CD226: variants seen among roughly 807,000 people sequenced by gnomAD.
CD226 encodes CD226 molecule, also known as CD226 antigen.
CD226 carries 24 observed loss-of-function variants against 34.9 expected under a neutral mutation model. That is an observed-to-expected ratio of 0.69 (90% CI 0.50 to 0.97). The LOEUF (loss-of-function observed/expected upper bound fraction) is 0.97, where lower values mean the gene tolerates loss of function less well. Among genes scored for constraint, CD226 ranks in the 50% least tolerant of loss-of-function variants. The pLI, the probability that CD226 is intolerant of heterozygous loss-of-function variation, is 0.00. For missense variants in CD226, 397 were observed against 412.7 expected (o/e 0.96, Z 0.33); for synonymous variants, 148 against 147.4 (o/e 1.00, Z -0.03).
upstream of CD226, chr18:69,961,728 C>T (rs2055930521): frequency 6.6e-6 from 1 of 152,194 alleles, no homozygotes; most frequent in African/African-American, 2.4e-5. Context: ...CTTACACACA[C>T]ACCTTAAGGA....
intron 2 of CD226, among the ~76,000 whole-genome samples, chr18:69,926,574 A>G (rs1434387102): frequency 6.6e-6 from 1 of 152,182 alleles, no homozygotes; most frequent in Non-Finnish European, 1.5e-5. Context: ...AATGCCTGGC[A>G]AGTGGTAACA....
chr18:69,873,094 G>T, intron 4 of CD226, 50 bp downstream of exon 4: 1 of 1,003,304 alleles, frequency 1.0e-6, no homozygotes, highest in Non-Finnish European at 1.6e-6. Flanking sequence ...GTTATTAATA[G>T]AGAACCTCTA....
At position 69,895,953 on chromosome 18, in the gene CD226, G is replaced by T; in HGVS notation, c.475C>A (p.Pro159Thr). The change falls in exon 3 of 6, where the codon CCT becomes ACT. Residue 159 changes from proline to threonine, a missense_variant. Pro to Thr is a conservative substitution (Grantham distance 38). Coordinates refer to ENST00000582621, the MANE Select transcript of CD226 (RefSeq NM_001303618.2). ...TLTCQPQMTW[P>T]VQAVRWEKIQ... ...TTTTCCCACCTCACTGCCTGCACAG[G>T]CCACGTCATCTGAGGCTGACAAGTG... is the stretch of plus-strand genomic sequence containing the variant. The T allele has an allele frequency of 6.2e-7, 1 of 1,614,082 alleles. No homozygotes were observed. The highest frequency in any genetic ancestry group is 1.1e-5 in the South Asian group (1 of 91,076).
chr18:69,945,636 T>A (rs1476678766), intron 2 of CD226, among the ~76,000 whole-genome samples: 1 of 152,124 alleles, frequency 6.6e-6, no homozygotes, highest in East Asian at 1.9e-4. Context: ...GTTGGATCAC[T>A]TGAACTCAGG....
At chr18:69,896,526 GT>G in intron 2 of CD226, among the ~76,000 whole-genome samples, 1 of 151,754 alleles carries the variant, frequency 6.6e-6, no homozygotes, top group African/African-American at 2.4e-5. Flanking sequence ...TTTGTTTTTT[GT>G]TTTTTGTTTT....
At position 69,946,861 on chromosome 18, in the gene CD226, C is replaced by T. The variant is rs371584542; in HGVS notation, c.255G>A (p.Thr85=). The part of the protein sequence containing the change: ...YAERVYFLNS[T]MASNNMTLFF... The stretch of plus-strand genomic sequence containing the variant: ...AAAGAGTCATGTTATTGGAAGCCAT[C>T]GTTGAATTCAAAAAGTAAACCCTCT... Residue 85 remains threonine, a synonymous_variant, in exon 2 of 6, where the codon ACG becomes ACA. Transcript: ENST00000582621. 15 of 1,613,976 alleles carry T rather than the reference C, an allele frequency of 9.3e-6. No individual in the cohort carries two copies. Among genetic ancestry groups the T allele is most frequent in the African/African-American group, 2.7e-5 (2 of 74,914 alleles).
At chr18:69,923,810 C>T (rs570880070) in intron 2 of CD226, among the ~76,000 whole-genome samples, 95 of 152,044 alleles carry the variant, frequency 6.2e-4, no homozygotes, top group Non-Finnish European at 4.0e-4. Context: ...AAAAATTAGC[C>T]GGGCGTAGTG....
At chr18:69,920,688 G>C (rs1181020807) in intron 2 of CD226, among the ~76,000 whole-genome samples, 1 of 152,146 alleles carries the variant, frequency 6.6e-6, no homozygotes, top group Non-Finnish European at 1.5e-5. Flanking sequence ...TAAACACTTT[G>C]CAGCGGATGT....
At chr18:69,886,157 C>G (rs1476013455) in intron 3 of CD226, among the ~76,000 whole-genome samples, 1 of 152,116 alleles carries the variant, frequency 6.6e-6, no homozygotes, top group South Asian at 2.1e-4. Context: ...TGAATCCCTG[C>G]CCCTCTATTT....
intron 2 of CD226, among the ~76,000 whole-genome samples, chr18:69,946,012 TC>T (rs2055784900): frequency 1.3e-5 from 2 of 151,526 alleles, no homozygotes; most frequent in Admixed American, 1.3e-4. Flanking sequence ...ACCAGGTCCC[TC>T]CCACAACACA....
At chr18:69,950,010 TCA>T (rs1214120720), upstream of CD226, among the ~76,000 whole-genome samples, 17 of 150,858 alleles carry the variant, frequency 1.1e-4, no homozygotes, top group East Asian at 5.9e-4. Flanking sequence ...TCACACTCTC[TCA>T]CACACACAAT....
chr18:69,946,651 T>C, intron 2 of CD226, 83 bp downstream of exon 2: 1 of 901,452 alleles, frequency 1.1e-6, no homozygotes, highest in South Asian at 1.7e-5. Context: ...GAAGACATTC[T>C]ATAGCTTCTA....
Position 69,859,730 on chromosome 18 carries a change from A to G in CD226, c.*4584T>C, listed in dbSNP as rs933043023. 5 of 152,210 alleles carry G rather than the reference A, an allele frequency of 3.3e-5. No individual in the cohort carries two copies. Among genetic ancestry groups the G allele is most frequent in the African/African-American group, 1.2e-4 (5 of 41,446 alleles). The allele number at this position is 152,210 out of a possible 1,614,324, so 9.4% of individuals were successfully genotyped here. ...CGGGAAAAACAAAAACAAACAAACA[A>G]AAAACCTGTAAAGCCCTTTGACCCT... On this transcript the variant is annotated 3_prime_UTR_variant, in exon 6 of 6. Coordinates refer to ENST00000582621, the MANE Select transcript of CD226 (RefSeq NM_001303618.2).
chr18:69,918,011 AT>A (rs1405568800), intron 2 of CD226, among the ~76,000 whole-genome samples: 3 of 152,132 alleles, frequency 2.0e-5, no homozygotes, highest in African/African-American at 7.2e-5. Context: ...ATGAGATTAA[AT>A]TTGTGCCTCA....
chr18:69,924,597 T>C (rs1358213749), intron 2 of CD226, among the ~76,000 whole-genome samples: 2 of 126,562 alleles, frequency 1.6e-5, no homozygotes, highest in East Asian at 4.9e-4. Context: ...AGGGAAAATA[T>C]ATGCCAACAG....
intron 3 of CD226, among the ~76,000 whole-genome samples, 156 bp downstream of exon 3, chr18:69,895,545 C>T (rs1451218640): frequency 6.6e-6 from 1 of 152,074 alleles, no homozygotes; most frequent in Non-Finnish European, 1.5e-5. Flanking sequence ...ACCCTCAATA[C>T]TAGAATAATG....
chr18:69,880,361 G>GA (rs1984167772), intron 3 of CD226, among the ~76,000 whole-genome samples: 2 of 65,588 alleles, frequency 3.0e-5, no homozygotes, highest in South Asian at 1.4e-3. Context: ...AGAAAGAAAG[G>GA]AAGGAAGGAA....
At chr18:69,935,026 A>T (rs1216277184) in intron 2 of CD226, among the ~76,000 whole-genome samples, 1 of 152,202 alleles carries the variant, frequency 6.6e-6, no homozygotes, top group Admixed American at 6.5e-5. Flanking sequence ...CAAAAACCAT[A>T]ACTTAGAAAC....
upstream of CD226, among the ~76,000 whole-genome samples, chr18:69,957,998 A>G (rs1257544154): frequency 6.6e-6 from 1 of 152,164 alleles, no homozygotes; most frequent in African/African-American, 2.4e-5. Context: ...ATTTGAGGAC[A>G]ATGCTCTAAT....
Sources: allele counts gnomAD v4.1 joint callset (sites outside exome capture counted in the v4.1 genomes callset), GRCh38; gene constraint gnomAD v4.1.1; transcripts MANE v1.5; gene names NCBI Gene and HGNC (gene_info 2026-07-23, HGNC 2026-07-21).